Variants in USP2 observed in about 807,000 individuals in gnomAD.
The protein encoded by USP2 is ubiquitin carboxyl-terminal hydrolase 2.
Under a neutral mutation model 72.0 loss-of-function variants are expected in USP2, and 33 were observed. The observed-to-expected ratio is 0.46, with a 90% CI of 0.35 to 0.61. The LOEUF (loss-of-function observed/expected upper bound fraction) is 0.61, where lower values mean the gene tolerates loss of function less well. Ranked by LOEUF, USP2 falls within the 20% of genes least tolerant of loss-of-function variation. The pLI is 0.01. For missense variants in USP2, 691 were observed against 797.8 expected (o/e 0.87, Z 1.61); for synonymous variants, 296 against 312.5 (o/e 0.95, Z 0.56).
chr11:119,357,685 C>G, intron 10 of USP2, 72 bp downstream of exon 10: 1 of 1,613,358 alleles, frequency 6.2e-7, no homozygotes. Context: ...GACTGTTCCC[C>G]TCACCTATGG....
Position 119,357,523 on chromosome 11 carries a change from T to C in USP2, c.1569A>G (p.Leu523=), listed in dbSNP as rs747248892. ...SKLTTFVNFP[L]RDLDLREFAS... ...CAAATTCTCTTAAGTCCAGGTCTCT[T>C]AGGGGGAAGTTCACAAATGTTGTGA... The change falls in exon 11 of 13, where the codon CTA becomes CTG. Residue 523 remains leucine, a synonymous_variant. Coordinates refer to ENST00000260187, the MANE Select transcript of USP2 (RefSeq NM_004205.5). 1 of 1,614,132 alleles carries C rather than the reference T, an allele frequency of 6.2e-7. No individual in the cohort carries two copies. The highest frequency in any genetic ancestry group is 8.5e-7 in the Non-Finnish European group (1 of 1,180,022).
chr11:119,369,566 G>A (rs1224634830), intron 2 of USP2, among the ~76,000 whole-genome samples: 2 of 152,024 alleles, frequency 1.3e-5, no homozygotes, highest in African/African-American at 2.4e-5. Flanking sequence ...GCTGCCAAAC[G>A]CCCCCTTTCT....
rs1950643884 is a variant in USP2, at chr11:119,356,055, A to AC, written c.*779_*780insG. 1 of 150,808 alleles carries AC rather than the reference A, an allele frequency of 6.6e-6. No individual in the cohort carries two copies. Among genetic ancestry groups the AC allele is most frequent in the Non-Finnish European group, 1.5e-5 (1 of 67,724 alleles). The allele number at this position is 150,808 out of a possible 1,614,324, so 9.3% of individuals were successfully genotyped here. The stretch of plus-strand genomic sequence containing the variant: ...AATTCCATTCAAAACATTAAAAAAA[A>AC]AAAAAAAAAACCCAAACCCCCAAAA... On this transcript the variant is annotated 3_prime_UTR_variant, in exon 13 of 13. Coordinates refer to ENST00000260187, the MANE Select transcript of USP2 (RefSeq NM_004205.5).
intron 2 of USP2, among the ~76,000 whole-genome samples, chr11:119,371,671 A>G (rs913781606): frequency 2.0e-5 from 3 of 152,146 alleles, no homozygotes; most frequent in Non-Finnish European, 4.4e-5. Flanking sequence ...TTGCTGTGGC[A>G]TGCTGTTGTT....
intron 1 of USP2, among the ~76,000 whole-genome samples, chr11:119,373,770 A>G (rs143086154): frequency 6.6e-6 from 1 of 152,156 alleles, no homozygotes; most frequent in Admixed American, 6.5e-5. Flanking sequence ...AAGTCAGCGC[A>G]TCCTGGCCAT....
chr11:119,355,543 A>G lies in USP2; in HGVS notation c.*1292T>C, dbSNP rs1950637393. The G allele has an allele frequency of 6.6e-6, 1 of 152,346 alleles. No homozygotes were observed. The highest frequency in any genetic ancestry group is 6.5e-5 in the Admixed American group (1 of 15,286). The allele number at this position is 152,346 out of a possible 1,614,324, so 9.4% of individuals were successfully genotyped here. A position where few individuals can be genotyped will look rare whatever the true frequency, so the allele number is the denominator to read the frequency against. ...CAGGAAAGAACCATACAACTGAGGC[A>G]AGATGTCCCCAAATACCCAGGCTCC... On this transcript the variant is annotated 3_prime_UTR_variant, in exon 13 of 13. Transcript: ENST00000260187.
chr11:119,379,605 C>T (rs1047791092), intron 1 of USP2, among the ~76,000 whole-genome samples: 1 of 152,160 alleles, frequency 6.6e-6, no homozygotes, highest in Non-Finnish European at 1.5e-5. Context: ...ACTTCTAGGC[C>T]TGGGATTGGA....
intron 6 of USP2, 91 bp downstream of exon 6, chr11:119,358,933 A>G (rs943043880): frequency 7.7e-5 from 122 of 1,590,572 alleles, no homozygotes; most frequent in African/African-American, 5.4e-5. Flanking sequence ...AGTAAATCAG[A>G]TTATTCCCAA....
At chr11:119,368,398 G>A (rs1565309891) in intron 2 of USP2, among the ~76,000 whole-genome samples, 3 of 152,210 alleles carry the variant, frequency 2.0e-5, no homozygotes, top group South Asian at 4.1e-4. Flanking sequence ...CGAGAGGCGA[G>A]TTGTACTTCT....
At position 119,357,803 on chromosome 11, in the gene USP2, A is replaced by C. The variant is rs1248303870; in HGVS notation, c.1455T>G (p.Cys485Trp). The change falls in exon 10 of 13, where the codon TGT (cysteine) becomes TGG (tryptophan). Residue 485 changes from cysteine (C) to tryptophan (W), a missense_variant. Cys to Trp is a radical substitution (Grantham distance 215). Transcript: ENST00000260187. The stretch of plus-strand genomic sequence containing the variant: ...ACCTCTGGATGGAGAACTTCTTTAT[A>C]CACCGTTTTCTGCCTCGGCAGCGAC... ...TCCRCRGRKR[C>W]IKKFSIQRFP... 1.2e-6 allele frequency: 2 copies of C among 1,614,004 alleles called. No homozygotes were observed. The highest frequency in any genetic ancestry group is 3.3e-5 in the Admixed American group (2 of 60,012).
At chr11:119,358,750 C>T (rs969421747) in intron 7 of USP2, 23 bp downstream of exon 7, 1 of 1,613,636 alleles carries the variant, frequency 6.2e-7, no homozygotes, top group South Asian at 1.1e-5. Context: ...TGAAAACAGG[C>T]ATCTTCCCTT....
intron 10 of USP2, 52 bp from the exon 11 acceptor site, chr11:119,357,642 A>T: frequency 6.2e-7 from 1 of 1,613,852 alleles, no homozygotes; most frequent in South Asian, 1.1e-5. Flanking sequence ...AGGGCAGACA[A>T]CAAAAGGAAA....
chr11:119,360,427 C>CTTTT (rs1275012607), intron 2 of USP2, 193 bp from the exon 3 acceptor site: 6 of 572,644 alleles, frequency 1.0e-5, no homozygotes, highest in African/African-American at 2.0e-5. Flanking sequence ...CTTTTCTTTT[C>CTTTT]TTTTTTTTTT....
At chr11:119,372,216 C>T (rs1260103347) in intron 2 of USP2, among the ~76,000 whole-genome samples, 1 of 152,194 alleles carries the variant, frequency 6.6e-6, no homozygotes, top group Non-Finnish European at 1.5e-5. Flanking sequence ...AGAGGAGAGT[C>T]CCTCTTCCCC....
intron 2 of USP2, among the ~76,000 whole-genome samples, chr11:119,364,821 A>G (rs1950829683): frequency 6.6e-6 from 1 of 152,130 alleles, no homozygotes; most frequent in African/African-American, 2.4e-5. Context: ...CTCATGTTTT[A>G]TAAGGTCCAA....
Position 119,372,957 on chromosome 11 carries a change from G to A in USP2, c.524C>T (p.Thr175Met), listed in dbSNP as rs373153803. The change falls in exon 2 of 13, where the codon ACG becomes ATG. Residue 175 changes from threonine (T) to methionine (M), a missense_variant. By Grantham distance (81) the Thr-to-Met change is moderately conservative. Transcript: ENST00000260187. ...NLGRSPMLAR[T>M]RKELCTLQGL... ...CTGCAGGGTGCAGAGCTCCTTGCGC[G>A]TCCGGGCCAGCATGGGGCTGCGGCC... 21 of 1,613,666 alleles carry A rather than the reference G, an allele frequency of 1.3e-5. No homozygotes were observed. The highest frequency in any genetic ancestry group is 1.6e-4 in the Middle Eastern group (1 of 6,084).
chr11:119,357,381 G>C, intron 11 of USP2, 74 bp from the exon 12 acceptor site: 1 of 1,609,784 alleles, frequency 6.2e-7, no homozygotes, highest in Non-Finnish European at 8.5e-7. Flanking sequence ...CTCCTTCTGG[G>C]TCTCTCAGTA....
Position 119,357,470 on chromosome 11 carries a change from C to CA in USP2, c.1609+12dup. On this transcript the variant is annotated intron_variant, in intron 11 of 12. Coordinates refer to ENST00000260187, the MANE Select transcript of USP2 (RefSeq NM_004205.5). Reference sequence around the variant, plus strand: ...GCGTCTTCATTCTGCCCTGCCTACTCAAAGATACTCACTGGTGTTTTCTGA... The same window carrying CA: ...GCGTCTTCATTCTGCCCTGCCTACTCAAAAGATACTCACTGGTGTTTTCTGA... 6.2e-7 allele frequency: 1 copy of CA among 1,614,112 alleles called. No homozygotes were observed. The highest frequency in any genetic ancestry group is 8.5e-7 in the Non-Finnish European group (1 of 1,180,032).
intron 2 of USP2, among the ~76,000 whole-genome samples, chr11:119,371,142 G>A (rs1013463988): frequency 2.6e-5 from 4 of 152,222 alleles, no homozygotes; most frequent in Middle Eastern, 3.4e-3. Flanking sequence ...TGGATGAATC[G>A]TTAAGCCCTG....
Sources: gnomAD v4.1 joint callset for allele counts (sites outside exome capture counted in the v4.1 genomes callset) on GRCh38, gnomAD v4.1.1 for gene constraint, MANE v1.5 for transcripts, NCBI Gene and HGNC (gene_info 2026-07-23, HGNC 2026-07-21) for gene names.